The following DACH1 variants were observed in gnomAD, a reference collection of about 807,000 sequenced individuals.
The protein encoded by DACH1 is dachshund homolog 1.
A neutral mutation model predicts 54.2 loss-of-function variants in DACH1; 12 were observed. That is an observed-to-expected ratio of 0.22 (90% CI 0.14 to 0.36). The LOEUF is 0.36. Among genes scored for constraint, DACH1 ranks in the 10% least tolerant of loss-of-function variants. The pLI is 1.00. For synonymous variants in DACH1, 386 were observed against 366.2 expected (o/e 1.05, Z -0.62); for missense variants, 805 against 929.8 (o/e 0.87, Z 1.75).
chr13:71,494,775 A>G (rs1879268135), intron 6 of DACH1, among the ~76,000 whole-genome samples: 1 of 152,076 alleles, frequency 6.6e-6, no homozygotes, highest in Non-Finnish European at 1.5e-5. Context: ...GTCAATTAGA[A>G]TAATAGAAAA....
intron 6 of DACH1, among the ~76,000 whole-genome samples, chr13:71,504,241 GT>G (rs1880141551): frequency 6.6e-6 from 1 of 151,942 alleles, no homozygotes; most frequent in African/African-American, 2.4e-5. Context: ...AATCTTGGTT[GT>G]TTTACTTTAA....
At chr13:71,586,353 C>A (rs1167337076) in intron 3 of DACH1, among the ~76,000 whole-genome samples, 1 of 152,058 alleles carries the variant, frequency 6.6e-6, no homozygotes, top group African/African-American at 2.4e-5. Context: ...TGAAATGTAA[C>A]AAGGTTGCTT....
intron 6 of DACH1, among the ~76,000 whole-genome samples, chr13:71,555,334 A>C (rs1232521283): frequency 1.3e-5 from 2 of 150,770 alleles, no homozygotes; most frequent in African/African-American, 4.9e-5. Context: ...CAGTATACTA[A>C]TTTTTCTTAT....
intron 10 of DACH1, among the ~76,000 whole-genome samples, chr13:71,466,905 T>C (rs1263215806): frequency 6.7e-6 from 1 of 149,886 alleles, no homozygotes; most frequent in Admixed American, 6.6e-5. Context: ...TCATTATGCC[T>C]AAATTTTCTC....
chr13:71,629,233 C>T (rs1258127603), intron 3 of DACH1, among the ~76,000 whole-genome samples: 1 of 152,030 alleles, frequency 6.6e-6, no homozygotes, highest in Non-Finnish European at 1.5e-5. Flanking sequence ...CCTGTCTTCC[C>T]TCCAGGAGCA....
intron 3 of DACH1, among the ~76,000 whole-genome samples, chr13:71,625,068 T>C (rs1263336941): frequency 1.3e-5 from 2 of 151,998 alleles, no homozygotes; most frequent in African/African-American, 4.8e-5. Context: ...CTATGTAAAT[T>C]ACTACCTCTC....
chr13:71,507,273 T>C lies in DACH1; in HGVS notation c.1571-18125A>G, dbSNP rs558109076. On this transcript the variant is annotated intron_variant, in intron 6 of 10. Coordinates refer to ENST00000613252, the MANE Select transcript of DACH1 (RefSeq NM_080759.6). ...CATAAATATAGTATTCTCTGTTGTT[T>C]ATCTTATAATGTATTCTAAAATCTA... is the stretch of plus-strand genomic sequence containing the variant. Among the ~76,000 whole-genome samples the C allele has an allele frequency of 3.9e-5, 6 of 152,320 alleles. No individual in the cohort carries two copies. The South Asian group carries it at 1.2e-3, about 32-fold the overall frequency.
chr13:71,751,204 T>C (rs1004316767), intron 1 of DACH1, among the ~76,000 whole-genome samples: 7 of 152,220 alleles, frequency 4.6e-5, no homozygotes, highest in Non-Finnish European at 1.0e-4. Context: ...TATTCAGTTA[T>C]TGTTTCTGCT....
At chr13:71,805,141 A>G (rs1268940254) in intron 1 of DACH1, among the ~76,000 whole-genome samples, 3 of 152,166 alleles carry the variant, frequency 2.0e-5, no homozygotes, top group Admixed American at 1.3e-4. Context: ...AATTTCAGAG[A>G]AAGTTTTATC....
intron 1 of DACH1, among the ~76,000 whole-genome samples, chr13:71,736,185 A>G (rs1021107783): frequency 1.2e-4 from 18 of 152,192 alleles, no homozygotes; most frequent in African/African-American, 4.1e-4. Context: ...CAAAGTGACC[A>G]AAGAGTAATA....
At chr13:71,529,733 C>A (rs1430900250) in intron 6 of DACH1, among the ~76,000 whole-genome samples, 1 of 152,178 alleles carries the variant, frequency 6.6e-6, no homozygotes, top group Non-Finnish European at 1.5e-5. Flanking sequence ...ACTCACCATC[C>A]TTAAACCATT....
At chr13:71,511,812 C>T (rs1235773788) in intron 6 of DACH1, among the ~76,000 whole-genome samples, 1 of 151,960 alleles carries the variant, frequency 6.6e-6, no homozygotes, top group East Asian at 1.9e-4. Flanking sequence ...CTGCCAGCAA[C>T]TATTGAAACC....
chr13:71,661,522 A>G (rs1879487186), intron 2 of DACH1, among the ~76,000 whole-genome samples: 2 of 152,020 alleles, frequency 1.3e-5, no homozygotes, highest in Admixed American at 6.6e-5. Flanking sequence ...AAATGTGTGT[A>G]TTTTATATTT....
intron 3 of DACH1, among the ~76,000 whole-genome samples, chr13:71,628,755 T>C (rs1314958444): frequency 1.3e-5 from 2 of 152,134 alleles, no homozygotes; most frequent in African/African-American, 2.4e-5. Context: ...AATATTGTCA[T>C]GTACTATCAA....
At chr13:71,578,678 GA>G (rs1364019761) in intron 3 of DACH1, among the ~76,000 whole-genome samples, 2 of 152,088 alleles carry the variant, frequency 1.3e-5, no homozygotes, top group Admixed American at 1.3e-4. Flanking sequence ...ACTAAAATGA[GA>G]AAAGAAGAAA....
Position 71,864,475 on chromosome 13 carries a change from T to C in DACH1, c.848+1447A>G, listed in dbSNP as rs111386956. 6.1e-3 allele frequency among the ~76,000 whole-genome samples: 931 copies of C among 152,262 alleles called. 6 individuals are homozygous for C. Among genetic ancestry groups the C allele is most frequent in the Non-Finnish European group, 0.01 (700 of 68,018 alleles). On this transcript the variant is annotated intron_variant, in intron 1 of 10. Coordinates refer to ENST00000613252, the MANE Select transcript of DACH1 (RefSeq NM_080759.6). Reference sequence around the variant, plus strand: ...TGCTACACTTCCTTTCCACCTAAGTTTCCCTATCTCTGCGGGAGCACACAC... The same window carrying C: ...TGCTACACTTCCTTTCCACCTAAGTCTCCCTATCTCTGCGGGAGCACACAC...
At chr13:71,522,019 A>G (rs1239167096) in intron 6 of DACH1, among the ~76,000 whole-genome samples, 1 of 152,158 alleles carries the variant, frequency 6.6e-6, no homozygotes, top group African/African-American at 2.4e-5. Flanking sequence ...AGGAAACTGC[A>G]AACTACTACA....
chr13:71,693,018 T>C (rs533492457), intron 1 of DACH1, among the ~76,000 whole-genome samples: 8 of 152,278 alleles, frequency 5.3e-5, no homozygotes, highest in Non-Finnish European at 7.4e-5. Context: ...AACTGGGTTT[T>C]ATCTCATTTT....
chr13:71,539,176 A>G (rs899951190), intron 6 of DACH1, among the ~76,000 whole-genome samples: 6 of 152,050 alleles, frequency 3.9e-5, no homozygotes, highest in African/African-American at 1.4e-4. Context: ...TTGTATAAAA[A>G]CACTCTCACA....
Sources: allele counts gnomAD v4.1 joint callset (sites outside exome capture counted in the v4.1 genomes callset), GRCh38; gene constraint gnomAD v4.1.1; transcripts MANE v1.5; gene names NCBI Gene and HGNC (gene_info 2026-07-23, HGNC 2026-07-21).